LRRC4B: variants seen among roughly 807,000 people sequenced by gnomAD.
LRRC4B encodes leucine-rich repeat-containing protein 4B.
LRRC4B carries 1 observed loss-of-function variant against 7.3 expected under a neutral mutation model. The ratio of observed to expected loss-of-function variants is 0.14; its 90% confidence interval spans 0.05 to 0.65. LRRC4B has a LOEUF of 0.65. LRRC4B is among the 30% of genes least tolerant of loss of function. The pLI, the probability that LRRC4B is intolerant of heterozygous loss-of-function variation, is 0.84. For synonymous variants in LRRC4B, 500 were observed against 499.2 expected (o/e 1.00, Z -0.02); for missense variants, 730 against 1,041.6 (o/e 0.70, Z 4.12).
At chr19:50,535,219 C>A (rs1189173284) in intron 2 of LRRC4B, among the ~76,000 whole-genome samples, 2 of 152,084 alleles carry the variant, frequency 1.3e-5, no homozygotes, top group Non-Finnish European at 2.9e-5. Flanking sequence ...ATTGCTCAGG[C>A]TGGAGTGCAG....
chr19:50,562,748 T>TG (rs1267287589), intron 1 of LRRC4B, among the ~76,000 whole-genome samples: 1 of 150,470 alleles, frequency 6.6e-6, no homozygotes, highest in African/African-American at 2.5e-5. Flanking sequence ...TTTTGTTTTT[T>TG]TTTTTTTGGC....
At chr19:50,534,734 A>G (rs894519624) in intron 2 of LRRC4B, among the ~76,000 whole-genome samples, 1 of 152,196 alleles carries the variant, frequency 6.6e-6, no homozygotes, top group Admixed American at 6.5e-5. Context: ...AAATATTACT[A>G]AAGCTGAAAA....
chr19:50,562,910 T>G (rs143525908), intron 1 of LRRC4B, among the ~76,000 whole-genome samples: 1 of 152,032 alleles, frequency 6.6e-6, no homozygotes, highest in East Asian at 1.9e-4. Context: ...CTGGCTGATT[T>G]TGTATTTTTG....
chr19:50,549,885 G>A (rs1192519750), intron 1 of LRRC4B, among the ~76,000 whole-genome samples: 1 of 152,166 alleles, frequency 6.6e-6, no homozygotes, highest in East Asian at 1.9e-4. Flanking sequence ...AGGGAAGGGG[G>A]TCCAGGGACT....
At chr19:50,549,417 C>A (rs1981958622) in intron 1 of LRRC4B, among the ~76,000 whole-genome samples, 1 of 152,162 alleles carries the variant, frequency 6.6e-6, no homozygotes, top group Non-Finnish European at 1.5e-5. Flanking sequence ...CTCCCTCCCC[C>A]TCTCCCCATC....
At position 50,518,635 on chromosome 19, in the gene LRRC4B, T is replaced by G; in HGVS notation, c.1078A>C (p.Thr360Pro). ...TCCACGATGACGGGCGCATAGCAGGTGAAATGCGACTGGTCCAGCTCCCCA... is the reference window on the plus strand; with the variant it reads ...TCCACGATGACGGGCGCATAGCAGGGGAAATGCGACTGGTCCAGCTCCCCA... Reference protein sequence around the residue: ...YIGELDQSHFTCYAPVIVEPP... With the variant: ...YIGELDQSHFPCYAPVIVEPP... The change falls in exon 3 of 3, where the codon ACC becomes CCC. Residue 360 changes from threonine (T) to proline (P), a missense_variant. Physicochemically the swap from Thr to Pro is conservative, Grantham distance 38. Around this residue, in one of 6 missense-constraint regions of LRRC4B, gnomAD observed 226 missense variants for 448.0 expected, o/e 0.50. Transcript: ENST00000652263. 6.2e-7 allele frequency: 1 copy of G among 1,610,624 alleles called. No homozygotes were observed. Among genetic ancestry groups the G allele is most frequent in the Non-Finnish European group, 8.5e-7 (1 of 1,177,804 alleles).
At position 50,519,961 on chromosome 19, in the gene LRRC4B, G is replaced by T. The variant is rs1461146699; in HGVS notation, c.298-546C>A. Among the ~76,000 whole-genome samples, 1 of 151,946 alleles carries T rather than the reference G, an allele frequency of 6.6e-6. No homozygotes were observed. The highest frequency in any genetic ancestry group is 1.5e-5 in the Non-Finnish European group (1 of 67,996). On this transcript the variant is annotated intron_variant, in intron 2 of 2. Coordinates refer to ENST00000652263, the MANE Select transcript of LRRC4B (RefSeq NM_001080457.2). This position sits in a 1 kb window ranked among gnomAD's most constrained non-coding sequence, Gnocchi z 8.1. The stretch of plus-strand genomic sequence containing the variant: ...TGTAATCCCAGCACTTTGGGAGGCT[G>T]AGGTGGGCAGATCACTTGAACCCAG...
At chr19:50,528,855 A>T (rs1980932232) in intron 2 of LRRC4B, among the ~76,000 whole-genome samples, 1 of 152,152 alleles carries the variant, frequency 6.6e-6, no homozygotes, top group Non-Finnish European at 1.5e-5. Flanking sequence ...GGCGGAGTAC[A>T]GCAGGAATGC....
intron 2 of LRRC4B, among the ~76,000 whole-genome samples, chr19:50,521,675 C>T (rs1389174231): frequency 6.6e-6 from 1 of 152,096 alleles, no homozygotes; most frequent in African/African-American, 2.4e-5. Context: ...ATCCACCCGC[C>T]TCAGCCTCCC....
chr19:50,535,967 G>A (rs1213913659), intron 2 of LRRC4B, among the ~76,000 whole-genome samples: 2 of 152,330 alleles, frequency 1.3e-5, no homozygotes, highest in African/African-American at 4.8e-5. Context: ...AAGGCAGCAG[G>A]ACTTTGCCTA....
chr19:50,560,926 C>T (rs1409742985), intron 1 of LRRC4B, among the ~76,000 whole-genome samples: 2 of 152,062 alleles, frequency 1.3e-5, no homozygotes, highest in Non-Finnish European at 2.9e-5. Flanking sequence ...CCCGTCTCTA[C>T]TAAAAATACA....
In LRRC4B at chr19:50,548,864, CGCTGGGGG is replaced by C; in HGVS notation, c.-34_-27del. On this transcript the variant is annotated splice_region_variant and 5_prime_UTR_variant, in exon 2 of 3. The change abolishes the stop of an existing upstream ORF in the 5' untranslated region. Coordinates refer to ENST00000652263, the MANE Select transcript of LRRC4B (RefSeq NM_001080457.2). The surrounding 1 kb of genome is among the most constrained non-coding windows in gnomAD (Gnocchi z 6.8). Reference sequence around the variant, plus strand: ...CCTCAATGTTCATGCTCCGCGTGGACGCTGGGGGGCTGTGGGTGGGGGAGAGAAGGGGG... The same window carrying C: ...CCTCAATGTTCATGCTCCGCGTGGACGCTGTGGGTGGGGGAGAGAAGGGGG... The C allele has an allele frequency of 1.2e-6, 1 of 816,656 alleles. No individual in the cohort carries two copies. Among genetic ancestry groups the C allele is most frequent in the Non-Finnish European group, 1.6e-6 (1 of 614,702 alleles). 50.6% of individuals were successfully genotyped at this position (816,656 alleles called of 1,614,324 possible). A position where few individuals can be genotyped will look rare whatever the true frequency, so the allele number is the denominator to read the frequency against.
chr19:50,551,431 C>G (rs1272965961), intron 1 of LRRC4B, among the ~76,000 whole-genome samples: 1 of 150,408 alleles, frequency 6.6e-6, no homozygotes, highest in Non-Finnish European at 1.5e-5. Context: ...CCTCCCCGCT[C>G]GCCTCCTCCG....
chr19:50,525,578 G>GTA (rs1568718984), intron 2 of LRRC4B, among the ~76,000 whole-genome samples: 1 of 127,662 alleles, frequency 7.8e-6, no homozygotes, highest in African/African-American at 2.9e-5. Flanking sequence ...GCTAATTTTT[G>GTA]TATTTTTTTT....
In LRRC4B at chr19:50,553,909, C is replaced by T. The variant is rs1982185737; in HGVS notation, c.-35-5036G>A. Among the ~76,000 whole-genome samples the T allele has an allele frequency of 6.6e-6, 1 of 151,982 alleles. No homozygotes were observed. The highest frequency in any genetic ancestry group is 2.4e-5 in the African/African-American group (1 of 41,358). On this transcript the variant is annotated intron_variant, in intron 1 of 2. Transcript: ENST00000652263. The surrounding 1 kb of genome is among the most constrained non-coding windows in gnomAD (Gnocchi z 4.2). ...GAGCCAGGCCGCACTGCAATAGCTG[C>T]ACAATGCAGGCTCCCAGCCCTGGAC...
intron 2 of LRRC4B, among the ~76,000 whole-genome samples, chr19:50,522,882 A>G (rs1980643890): frequency 6.6e-6 from 1 of 152,254 alleles, no homozygotes; most frequent in South Asian, 2.1e-4. Context: ...AACCTATACT[A>G]TCTATTACTA....
chr19:50,520,485 C>T (rs1000124730), intron 2 of LRRC4B, among the ~76,000 whole-genome samples: 74 of 151,424 alleles, frequency 4.9e-4, no homozygotes, highest in African/African-American at 1.8e-3. Context: ...CAAAAATTAG[C>T]CAGGCGTGGT....
rs1487965989 is a variant in LRRC4B, at chr19:50,533,010, G to A, written c.298-13595C>T. 3.3e-5 allele frequency among the ~76,000 whole-genome samples: 5 copies of A among 152,212 alleles called. No individual in the cohort carries two copies. The East Asian group carries it at 9.6e-4, about 29-fold the overall frequency. ...CCTATTCTGCTTTTTACCTTCGTGT[G>A]CACGTCTGAGATCATTAAAGCTACA... On this transcript the variant is annotated intron_variant, in intron 2 of 2. Coordinates refer to ENST00000652263, the MANE Select transcript of LRRC4B (RefSeq NM_001080457.2).
intron 1 of LRRC4B, among the ~76,000 whole-genome samples, chr19:50,560,633 A>G (rs965107305): frequency 2.8e-4 from 43 of 152,180 alleles, no homozygotes; most frequent in African/African-American, 1.0e-3. Context: ...GTGTTGAGGA[A>G]AACTGGGTTG....
Sources: allele counts gnomAD v4.1 joint callset (sites outside exome capture counted in the v4.1 genomes callset), GRCh38; gene constraint gnomAD v4.1.1; regional missense constraint gnomAD v4.1.1; non-coding constraint Gnocchi (gnomAD v3.1); transcripts MANE v1.5; gene names NCBI Gene and HGNC (gene_info 2026-07-23, HGNC 2026-07-21).